The following C12orf50 variants were observed in gnomAD, a reference collection of about 807,000 sequenced individuals.
C12orf50 encodes the protein zinc finger CCCH-type containing 11D.
Under a neutral mutation model 61.6 loss-of-function variants are expected in C12orf50, and 35 were observed. The ratio of observed to expected loss-of-function variants is 0.57; its 90% confidence interval spans 0.43 to 0.75. C12orf50 has a LOEUF of 0.75. Among genes scored for constraint, C12orf50 ranks in the 30% least tolerant of loss-of-function variants. The pLI, the probability that C12orf50 is intolerant of heterozygous loss-of-function variation, is 0.00. For synonymous variants in C12orf50, 178 were observed against 161.5 expected, an observed-to-expected ratio of 1.10 and a Z score of -0.77; for missense variants, 475 against 488.5, an observed-to-expected ratio of 0.97 and a Z score of 0.26.
chr12:87,981,990 C>G (rs1031221915), intron 12 of C12orf50, among the ~76,000 whole-genome samples: 3 of 152,068 alleles, frequency 2.0e-5, no homozygotes, highest in Non-Finnish European at 4.4e-5. Flanking sequence ...GTGACCCTTC[C>G]TTTCCTAAAT....
intron 6 of C12orf50, 77 bp from the exon 7 acceptor site, chr12:87,994,820 A>C (rs1241951262): frequency 1.1e-6 from 1 of 886,630 alleles, no homozygotes; most frequent in Non-Finnish European, 1.8e-6. Context: ...AGAATGCATG[A>C]TGAAAGTAAA....
chr12:87,984,526 T>G (rs913322734), intron 11 of C12orf50: 1 of 152,196 alleles, frequency 6.6e-6, no homozygotes, highest in Non-Finnish European at 1.5e-5. Flanking sequence ...GTGACTTCCA[T>G]GTTCGCAGTA....
At chr12:87,987,350 T>C (rs908667293) in intron 9 of C12orf50, among the ~76,000 whole-genome samples, 7 of 152,116 alleles carry the variant, frequency 4.6e-5, no homozygotes, top group Non-Finnish European at 1.0e-4. Flanking sequence ...ATCACAAGTA[T>C]TCCCATCAGT....
At chr12:88,022,887 T>G (rs867949812) in intron 3 of C12orf50, among the ~76,000 whole-genome samples, 2 of 152,174 alleles carry the variant, frequency 1.3e-5, no homozygotes, top group African/African-American at 4.8e-5. Flanking sequence ...CATTCCATGC[T>G]CATGGATAGG....
intron 8 of C12orf50, 59 bp from the exon 9 acceptor site, chr12:87,988,025 A>C: frequency 8.9e-7 from 1 of 1,117,914 alleles, no homozygotes. Flanking sequence ...AAAGCATTTC[A>C]GTTGTTATTT....
intron 9 of C12orf50, among the ~76,000 whole-genome samples, chr12:87,987,222 C>G (rs1180165782): frequency 2.0e-5 from 3 of 152,072 alleles, no homozygotes; most frequent in Non-Finnish European, 4.4e-5. Context: ...CAATAAAGCT[C>G]TGATTCACTG....
intron 3 of C12orf50, among the ~76,000 whole-genome samples, chr12:88,009,514 C>T (rs147087207): frequency 1.3e-5 from 2 of 151,990 alleles, no homozygotes; most frequent in East Asian, 3.9e-4. Context: ...TTACTCCCTA[C>T]GTACTAGGAA....
intron 7 of C12orf50, among the ~76,000 whole-genome samples, chr12:87,993,630 A>T (rs753483642): frequency 3.0e-4 from 46 of 152,166 alleles, no homozygotes; most frequent in Non-Finnish European, 6.3e-4. Context: ...GGACAGCAGA[A>T]AGTATCACCA....
chr12:88,009,660 C>T (rs995747274), intron 3 of C12orf50, among the ~76,000 whole-genome samples: 12 of 152,130 alleles, frequency 7.9e-5, no homozygotes, highest in African/African-American at 2.4e-4. Context: ...AAGAACTATC[C>T]AGTCCAAAAT....
chr12:88,030,007 A>G (rs191817821), upstream of C12orf50, among the ~76,000 whole-genome samples: 4,363 of 152,324 alleles, frequency 0.029, 222 homozygotes, highest in Admixed American at 0.074. Flanking sequence ...TTCCAGAATG[A>G]AACATTTCAA....
chr12:88,017,318 C>G (rs1009451573), intron 3 of C12orf50, among the ~76,000 whole-genome samples: 1 of 152,348 alleles, frequency 6.6e-6, no homozygotes, highest in African/African-American at 2.4e-5. Flanking sequence ...TACACAAGCT[C>G]TCTCTCTTTG....
chr12:87,985,944 A>G lies in C12orf50; in HGVS notation c.1032T>C (p.Thr344=), dbSNP rs771290431. Residue 344 remains threonine, a synonymous_variant, in exon 11 of 13, where the codon ACT becomes ACC. Coordinates refer to ENST00000298699, the MANE Select transcript of C12orf50 (RefSeq NM_152589.3). ...YIHVQRDAVR[T]VALNAPSRSR... The stretch of plus-strand genomic sequence containing the variant: ...TGCGGGAAGGTGCATTCAACGCGAC[A>G]GTCCTGACAGCATCTCTTTGAACGT... The G allele has an allele frequency of 6.2e-6, 10 of 1,613,802 alleles. No individual in the cohort carries two copies. The highest frequency in any genetic ancestry group is 4.0e-5 in the African/African-American group (3 of 74,898).
chr12:88,024,302 C>A (rs940243028), intron 3 of C12orf50, among the ~76,000 whole-genome samples: 1 of 152,154 alleles, frequency 6.6e-6, no homozygotes, highest in African/African-American at 2.4e-5. Context: ...GAATATAAAT[C>A]ATTCTACCAT....
intron 11 of C12orf50, chr12:87,985,164 G>A (rs527625384): frequency 5.9e-5 from 9 of 152,002 alleles, no homozygotes; most frequent in Non-Finnish European, 1.0e-4. Flanking sequence ...TAACTAAACC[G>A]TGAACTTAGA....
At chr12:88,024,783 A>C (rs1475695908) in intron 3 of C12orf50, among the ~76,000 whole-genome samples, 2 of 152,188 alleles carry the variant, frequency 1.3e-5, no homozygotes, top group Non-Finnish European at 2.9e-5. Context: ...AAGTTAAAGA[A>C]AAAAAAGAAA....
At chr12:88,014,327 A>G (rs1442862153) in intron 3 of C12orf50, among the ~76,000 whole-genome samples, 2 of 152,124 alleles carry the variant, frequency 1.3e-5, no homozygotes, top group Middle Eastern at 3.4e-3. Context: ...TTAGAGACAG[A>G]GTCTCGCTCT....
intron 7 of C12orf50, among the ~76,000 whole-genome samples, chr12:87,991,589 A>C (rs2031123830): frequency 1.3e-5 from 2 of 152,166 alleles, no homozygotes; most frequent in African/African-American, 4.8e-5. Flanking sequence ...TAGAGACTTA[A>C]AAATGCACCA....
intron 12 of C12orf50, among the ~76,000 whole-genome samples, chr12:87,982,213 C>T (rs942989711): frequency 1.3e-5 from 2 of 152,026 alleles, no homozygotes; most frequent in Non-Finnish European, 2.9e-5. Flanking sequence ...ACCTCTTTCC[C>T]CACCCCCCAA....
chr12:88,000,312 C>A (rs1243969068), intron 3 of C12orf50, among the ~76,000 whole-genome samples: 1 of 151,874 alleles, frequency 6.6e-6, no homozygotes, highest in Admixed American at 6.6e-5. Flanking sequence ...GATCTATATG[C>A]CCTTGTTGAA....
Sources: allele counts gnomAD v4.1 joint callset (sites outside exome capture counted in the v4.1 genomes callset), GRCh38; gene constraint gnomAD v4.1.1; transcripts MANE v1.5; gene names NCBI Gene and HGNC (gene_info 2026-07-23, HGNC 2026-07-21).